DCC: variants seen among roughly 807,000 people sequenced by gnomAD.
DCC encodes the protein DCC netrin 1 receptor.
A neutral mutation model predicts 172.5 loss-of-function variants in DCC; 58 were observed. The observed-to-expected ratio is 0.34, with a 90% CI of 0.27 to 0.42. The LOEUF (loss-of-function observed/expected upper bound fraction) is 0.42, where lower values mean the gene tolerates loss of function less well. Ranked by LOEUF, DCC falls within the 10% of genes least tolerant of loss-of-function variation. The probability of loss-of-function intolerance (pLI) is 1.00; values close to 1 mark genes in which losing one functional copy is unlikely to be tolerated. For missense variants in DCC, 1,740 were observed against 1,791.0 expected (o/e 0.97, Z 0.51); for synonymous variants, 709 against 644.5 (o/e 1.10, Z -1.52).
At chr18:52,741,077 C>A (rs1343783547) in intron 1 of DCC, among the ~76,000 whole-genome samples, 1 of 152,174 alleles carries the variant, frequency 6.6e-6, no homozygotes, top group Non-Finnish European at 1.5e-5. Flanking sequence ...GTGCTGGGAG[C>A]TTTCTTTTGC....
chr18:53,479,086 C>T (rs561528375), intron 25 of DCC, among the ~76,000 whole-genome samples: 15 of 152,224 alleles, frequency 9.9e-5, no homozygotes, highest in East Asian at 3.9e-4. Flanking sequence ...TGCATAGAGC[C>T]GTTCTAGTAT....
chr18:53,470,162 A>G (rs1278440076), intron 25 of DCC, among the ~76,000 whole-genome samples: 2 of 152,138 alleles, frequency 1.3e-5, no homozygotes, highest in African/African-American at 2.4e-5. Context: ...GTCATCTAGT[A>G]TCAATGGCCT....
At chr18:53,032,337 G>A (rs1349870088) in intron 5 of DCC, among the ~76,000 whole-genome samples, 2 of 152,134 alleles carry the variant, frequency 1.3e-5, no homozygotes, top group Non-Finnish European at 2.9e-5. Flanking sequence ...AAAATAGGTA[G>A]ACCAAGTGTA....
At chr18:53,034,964 C>A (rs1422887075) in intron 5 of DCC, among the ~76,000 whole-genome samples, 1 of 152,100 alleles carries the variant, frequency 6.6e-6, no homozygotes, top group Non-Finnish European at 1.5e-5. Flanking sequence ...TTCCCACTTT[C>A]CTACACAATT....
intron 12 of DCC, among the ~76,000 whole-genome samples, chr18:53,281,473 A>T (rs2144728885): frequency 6.6e-6 from 1 of 152,282 alleles, no homozygotes; most frequent in Non-Finnish European, 1.5e-5. Context: ...GAAGATAAAA[A>T]TGCTGAATCA....
At chr18:52,841,506 G>C (rs1479763580) in intron 2 of DCC, among the ~76,000 whole-genome samples, 2 of 152,110 alleles carry the variant, frequency 1.3e-5, no homozygotes, top group Admixed American at 6.6e-5. Context: ...CACTGTAAAA[G>C]GCATTCTGTC....
intron 12 of DCC, among the ~76,000 whole-genome samples, chr18:53,223,386 CTTATAAT>C (rs1337982903): frequency 6.6e-6 from 1 of 151,972 alleles, no homozygotes; most frequent in African/African-American, 2.4e-5. Context: ...TTAATATTAC[CTTATAAT>C]TTATACTTCA....
chr18:52,814,791 G>A (rs918149540), intron 2 of DCC, among the ~76,000 whole-genome samples: 1 of 152,250 alleles, frequency 6.6e-6, no homozygotes, highest in Middle Eastern at 3.4e-3. Flanking sequence ...ATAAAATGAA[G>A]ATAGGATTAC....
intron 22 of DCC, among the ~76,000 whole-genome samples, chr18:53,440,460 T>C (rs868050351): frequency 2.0e-5 from 3 of 151,634 alleles, no homozygotes; most frequent in African/African-American, 7.3e-5. Context: ...ATAAAATTTG[T>C]CAGAAAAGAA....
intron 2 of DCC, among the ~76,000 whole-genome samples, chr18:52,850,618 GT>G (rs564163906): frequency 3.9e-5 from 6 of 152,142 alleles, no homozygotes; most frequent in East Asian, 1.9e-4. Flanking sequence ...CTCCTTGACA[GT>G]TTTTTTCCCC....
At chr18:52,789,863 G>T (rs77259281) in intron 2 of DCC, among the ~76,000 whole-genome samples, 7,340 of 152,188 alleles carry the variant, frequency 0.048, 244 homozygotes, top group South Asian at 0.16. Flanking sequence ...AGCCCCTTCT[G>T]AAGATATACT....
chr18:53,033,080 A>G (rs973901538), intron 5 of DCC, among the ~76,000 whole-genome samples: 1 of 152,166 alleles, frequency 6.6e-6, no homozygotes, highest in Non-Finnish European at 1.5e-5. Context: ...AAGTGACTGA[A>G]GACTCCTAAA....
At chr18:52,460,164 G>A (rs938290894) in intron 1 of DCC, among the ~76,000 whole-genome samples, 3 of 151,928 alleles carry the variant, frequency 2.0e-5, no homozygotes, top group African/African-American at 7.3e-5. Context: ...CTGCTTCTCT[G>A]TATATCAAAA....
chr18:53,100,597 G>A (rs2043158257), intron 7 of DCC, among the ~76,000 whole-genome samples: 1 of 151,792 alleles, frequency 6.6e-6, no homozygotes, highest in Admixed American at 6.6e-5. Flanking sequence ...GAAGAAGCAG[G>A]ACAAAAGGGA....
chr18:52,613,516 A>G (rs1166039863), intron 1 of DCC, among the ~76,000 whole-genome samples: 1 of 152,060 alleles, frequency 6.6e-6, no homozygotes, highest in Non-Finnish European at 1.5e-5. Flanking sequence ...CTGCCTCCCA[A>G]AGTGCTGGGA....
chr18:53,355,328 G>C (rs961455949), intron 15 of DCC, among the ~76,000 whole-genome samples: 9 of 152,176 alleles, frequency 5.9e-5, no homozygotes, highest in African/African-American at 2.2e-4. Flanking sequence ...TTGGTAGCTT[G>C]ATGGAGATGG....
At chr18:52,357,661 A>C (rs1307240259) in intron 1 of DCC, among the ~76,000 whole-genome samples, 1 of 152,112 alleles carries the variant, frequency 6.6e-6, no homozygotes, top group Non-Finnish European at 1.5e-5. Flanking sequence ...TCCGAAGACT[A>C]TGGTATACAA....
intron 1 of DCC, among the ~76,000 whole-genome samples, chr18:52,716,940 TA>T (rs2036393623): frequency 6.6e-6 from 1 of 152,210 alleles, no homozygotes; most frequent in South Asian, 2.1e-4. Flanking sequence ...GATGGGAGGC[TA>T]AATGGAATTA....
intron 1 of DCC, among the ~76,000 whole-genome samples, chr18:52,583,128 A>G (rs1598931663): frequency 6.6e-6 from 1 of 152,186 alleles, no homozygotes; most frequent in Admixed American, 6.5e-5. Context: ...ATCAACAACT[A>G]TAATATCTGA....
Sources: gnomAD v4.1 joint callset for allele counts (sites outside exome capture counted in the v4.1 genomes callset) on GRCh38, gnomAD v4.1.1 for gene constraint, MANE v1.5 for transcripts, NCBI Gene and HGNC (gene_info 2026-07-23, HGNC 2026-07-21) for gene names.